Variants in WDR70 observed in about 807,000 individuals in gnomAD.
WDR70 encodes the protein WD repeat-containing protein 70.
Under a neutral mutation model 88.6 loss-of-function variants are expected in WDR70, and 53 were observed. That is an observed-to-expected ratio of 0.60 (90% CI 0.48 to 0.75). The LOEUF is 0.75. Among genes scored for constraint, WDR70 ranks in the 30% least tolerant of loss-of-function variants. WDR70 has a pLI of 0.00. For synonymous variants in WDR70, 280 were observed against 270.0 expected (o/e 1.04, Z -0.36); for missense variants, 610 against 823.2 (o/e 0.74, Z 3.17).
intron 6 of WDR70, among the ~76,000 whole-genome samples, chr5:37,438,940 CAG>C (rs1202812184): frequency 6.8e-6 from 1 of 147,886 alleles, no homozygotes; most frequent in African/African-American, 2.5e-5. Context: ...GTTTTTGAGA[CAG>C]AGTCTCACTC....
intron 10 of WDR70, among the ~76,000 whole-genome samples, chr5:37,674,348 G>A (rs1485547449): frequency 2.0e-5 from 3 of 151,752 alleles, no homozygotes; most frequent in Admixed American, 6.6e-5. Context: ...TCGTCATTTA[G>A]CATTAGGTAT....
chr5:37,493,831 C>CTTT, intron 8 of WDR70, among the ~76,000 whole-genome samples: 1 of 140,808 alleles, frequency 7.1e-6, no homozygotes. Context: ...GGAAGGAATA[C>CTTT]TTTTTTTTTT....
intron 17 of WDR70, among the ~76,000 whole-genome samples, chr5:37,738,585 C>T (rs1315937371): frequency 6.6e-6 from 1 of 152,124 alleles, no homozygotes; most frequent in African/African-American, 2.4e-5. Flanking sequence ...ATCTCTCACA[C>T]AAACAATGCA....
chr5:37,511,725 A>G (rs1302566460), intron 8 of WDR70, among the ~76,000 whole-genome samples: 1 of 152,164 alleles, frequency 6.6e-6, no homozygotes, highest in Non-Finnish European at 1.5e-5. Flanking sequence ...TTAACATCAG[A>G]GAGTTCATTC....
chr5:37,697,954 A>G lies in WDR70; in HGVS notation c.1192+200A>G, dbSNP rs1246864542. ...TTAAAAATTACCAAGTAAAATGTTT[A>G]AATATTTACTTTTTTTTGGCCTAAG... On this transcript the variant is annotated intron_variant, in intron 11 of 17. Transcript: ENST00000265107. 1.5e-5 allele frequency: 7 copies of G among 475,328 alleles called. No individual in the cohort carries two copies. In the Admixed American group the frequency reaches 2.1e-4, roughly 14 times the overall value. The allele number at this position is 475,328 out of a possible 1,614,324, so 29.4% of individuals were successfully genotyped here. A position where few individuals can be genotyped will look rare whatever the true frequency, so the allele number is the denominator to read the frequency against.
chr5:37,585,152 G>C (rs564409451), intron 9 of WDR70, among the ~76,000 whole-genome samples: 1 of 151,728 alleles, frequency 6.6e-6, no homozygotes, highest in East Asian at 1.9e-4. Context: ...CACCACGCCT[G>C]GCTAATTTTT....
At chr5:37,622,635 G>A (rs1410129425) in intron 10 of WDR70, among the ~76,000 whole-genome samples, 4 of 151,996 alleles carry the variant, frequency 2.6e-5, no homozygotes, top group Admixed American at 1.3e-4. Context: ...GCAAACTATA[G>A]CAAGGACAAA....
chr5:37,643,083 T>C (rs1469508738), intron 10 of WDR70, among the ~76,000 whole-genome samples: 1 of 152,126 alleles, frequency 6.6e-6, no homozygotes, highest in African/African-American at 2.4e-5. Context: ...CCTGGAGAGT[T>C]TCCCTAGTGT....
intron 10 of WDR70, among the ~76,000 whole-genome samples, chr5:37,649,928 G>A (rs1424518404): frequency 1.4e-5 from 2 of 142,066 alleles, no homozygotes; most frequent in South Asian, 4.6e-4. Context: ...TAGTAGAGGC[G>A]GGGTTTCACT....
intron 7 of WDR70, among the ~76,000 whole-genome samples, chr5:37,451,172 A>G (rs1738667373): frequency 6.6e-6 from 1 of 152,186 alleles, no homozygotes; most frequent in South Asian, 2.1e-4. Context: ...TGCTGGGATT[A>G]CAGACGTGAG....
chr5:37,442,929 T>TA (rs1450004277), intron 6 of WDR70, among the ~76,000 whole-genome samples: 1 of 152,262 alleles, frequency 6.6e-6, no homozygotes, highest in Non-Finnish European at 1.5e-5. Flanking sequence ...ACTTGTACAC[T>TA]AAAGCAACTT....
rs1223986645 is a variant in WDR70, at chr5:37,703,001, A to G, written c.1330A>G (p.Ile444Val). 1.2e-6 allele frequency: 2 copies of G among 1,613,958 alleles called. No homozygotes were observed. The highest frequency in any genetic ancestry group is 1.7e-5 in the Admixed American group (1 of 60,030). ...DDKLIVTGTS[I>V]QRGCGSGKLV... The stretch of plus-strand genomic sequence containing the variant: ...TAAGCTCATAGTCACTGGTACATCT[A>G]TTCAAAGAGGATGTGGCAGCGGCAA... The change falls in exon 13 of 18, where the codon ATT (isoleucine) becomes GTT (valine). Residue 444 changes from isoleucine to valine, a missense_variant. Around this residue, in one of 4 missense-constraint regions of WDR70, gnomAD observed 254 missense variants for 300.7 expected, o/e 0.84. Transcript: ENST00000265107.
intron 17 of WDR70, among the ~76,000 whole-genome samples, chr5:37,729,327 A>G (rs1292594955): frequency 6.6e-6 from 1 of 152,162 alleles, no homozygotes; most frequent in African/African-American, 2.4e-5. Flanking sequence ...CTTTCTGCTG[A>G]CAAAGCTAGG....
At chr5:37,558,930 T>C (rs947864589) in intron 9 of WDR70, among the ~76,000 whole-genome samples, 12 of 152,012 alleles carry the variant, frequency 7.9e-5, no homozygotes, top group Non-Finnish European at 1.2e-4. Context: ...TTTTTTTTTT[T>C]TTCTTCTTTT....
intron 9 of WDR70, among the ~76,000 whole-genome samples, chr5:37,573,223 A>G (rs1305484975): frequency 6.6e-6 from 1 of 152,186 alleles, no homozygotes; most frequent in South Asian, 2.1e-4. Context: ...TCTTGCCTTA[A>G]AGGCTTTACT....
At chr5:37,615,660 C>T (rs1373026716) in intron 10 of WDR70, among the ~76,000 whole-genome samples, 2 of 152,228 alleles carry the variant, frequency 1.3e-5, no homozygotes, top group Non-Finnish European at 2.9e-5. Context: ...CATTCAGCTA[C>T]ATGTGAAACA....
intron 9 of WDR70, among the ~76,000 whole-genome samples, chr5:37,588,601 G>C (rs1743433082): frequency 6.6e-6 from 1 of 150,858 alleles, no homozygotes; most frequent in African/African-American, 2.5e-5. Context: ...TTTTAGAGAT[G>C]GGAGTCACTC....
At chr5:37,697,255 T>C (rs1011993955) in intron 10 of WDR70, among the ~76,000 whole-genome samples, 1 of 152,216 alleles carries the variant, frequency 6.6e-6, no homozygotes, top group African/African-American at 2.4e-5. Flanking sequence ...ATAAATATTT[T>C]GGGGTAAATA....
At chr5:37,578,689 G>A (rs1291533394) in intron 9 of WDR70, among the ~76,000 whole-genome samples, 1 of 152,138 alleles carries the variant, frequency 6.6e-6, no homozygotes, top group African/African-American at 2.4e-5. Flanking sequence ...TTATTTGTAA[G>A]GCACAACTAA....
Sources: allele counts gnomAD v4.1 joint callset (sites outside exome capture counted in the v4.1 genomes callset), GRCh38; gene constraint gnomAD v4.1.1; regional missense constraint gnomAD v4.1.1; transcripts MANE v1.5; gene names NCBI Gene and HGNC (gene_info 2026-07-23, HGNC 2026-07-21).